PITPNC1: variants seen among roughly 807,000 people sequenced by gnomAD.
The protein encoded by PITPNC1 is cytoplasmic phosphatidylinositol transfer protein 1.
Under a neutral mutation model 44.7 loss-of-function variants are expected in PITPNC1, and 18 were observed. The observed-to-expected ratio is 0.40, with a 90% CI of 0.28 to 0.60. The LOEUF is 0.60. PITPNC1 is among the 20% of genes least tolerant of loss of function. The probability of loss-of-function intolerance (pLI) is 0.39; values close to 1 mark genes in which losing one functional copy is unlikely to be tolerated. For missense variants in PITPNC1, 290 were observed against 418.4 expected (o/e 0.69, Z 2.68); for synonymous variants, 141 against 149.6 (o/e 0.94, Z 0.42).
At chr17:67,431,866 CA>C (rs2038861748) in intron 1 of PITPNC1, among the ~76,000 whole-genome samples, 1 of 152,208 alleles carries the variant, frequency 6.6e-6, no homozygotes, top group African/African-American at 2.4e-5. Flanking sequence ...ACTGTCTTAA[CA>C]ATTGACTGTG....
At chr17:67,634,434 G>C (rs1275492456) in intron 6 of PITPNC1, among the ~76,000 whole-genome samples, 1 of 151,968 alleles carries the variant, frequency 6.6e-6, no homozygotes, top group Non-Finnish European at 1.5e-5. Context: ...TAGCCGGCAG[G>C]GTGGTCAGCT....
intron 5 of PITPNC1, among the ~76,000 whole-genome samples, chr17:67,602,911 A>AT (rs35100800): frequency 0.023 from 3,366 of 148,792 alleles, 79 homozygotes; most frequent in African/African-American, 0.053. Context: ...TAATTTTGAT[A>AT]TTTTTTTTTT....
chr17:67,585,846 C>T (rs1315521358), intron 5 of PITPNC1, among the ~76,000 whole-genome samples: 1 of 152,158 alleles, frequency 6.6e-6, no homozygotes, highest in Non-Finnish European at 1.5e-5. Context: ...CACGTGAAGA[C>T]GTAGGGAGAA....
chr17:67,472,173 C>T (rs553875542), intron 1 of PITPNC1, among the ~76,000 whole-genome samples: 2 of 151,814 alleles, frequency 1.3e-5, no homozygotes, highest in South Asian at 4.2e-4. Context: ...TTGGTTAAGG[C>T]GTTGTCTACC....
intron 1 of PITPNC1, among the ~76,000 whole-genome samples, chr17:67,391,860 C>T (rs2038143656): frequency 6.6e-6 from 1 of 152,094 alleles, no homozygotes; most frequent in Non-Finnish European, 1.5e-5. Context: ...GATGTTCTGT[C>T]CCAGTAAGAG....
intron 1 of PITPNC1, among the ~76,000 whole-genome samples, chr17:67,500,956 C>T (rs7213695): frequency 2.0e-4 from 30 of 151,998 alleles, no homozygotes; most frequent in African/African-American, 7.3e-4. Context: ...TCCCAAAGTG[C>T]TGGAATTAAA....
At chr17:67,512,863 A>G (rs190840463) in intron 1 of PITPNC1, among the ~76,000 whole-genome samples, 5 of 152,172 alleles carry the variant, frequency 3.3e-5, no homozygotes, top group African/African-American at 1.2e-4. Context: ...AGTTGGGGAG[A>G]TAAGCTCGAT....
chr17:67,388,289 G>A (rs1468812323), intron 1 of PITPNC1, among the ~76,000 whole-genome samples: 1 of 151,468 alleles, frequency 6.6e-6, no homozygotes, highest in Non-Finnish European at 1.5e-5. Context: ...CCCAATTCCC[G>A]GAGGAGTATG....
intron 5 of PITPNC1, among the ~76,000 whole-genome samples, chr17:67,584,802 G>T (rs2041289474): frequency 6.6e-6 from 1 of 152,096 alleles, no homozygotes; most frequent in African/African-American, 2.4e-5. Flanking sequence ...GAAGGATCGG[G>T]GATACAGCAT....
At chr17:67,382,861 G>A (rs991055010) in intron 1 of PITPNC1, among the ~76,000 whole-genome samples, 2 of 149,882 alleles carry the variant, frequency 1.3e-5, no homozygotes, top group South Asian at 2.1e-4. Context: ...CCTGACCTCA[G>A]GCGATCCGCC....
chr17:67,469,657 G>A (rs901933127), intron 1 of PITPNC1, among the ~76,000 whole-genome samples: 2 of 152,122 alleles, frequency 1.3e-5, no homozygotes, highest in Non-Finnish European at 2.9e-5. Context: ...ACCTCTCTGG[G>A]TCCCTCAGCT....
intron 6 of PITPNC1, among the ~76,000 whole-genome samples, chr17:67,650,044 C>A (rs1449513099): frequency 6.6e-6 from 1 of 152,078 alleles, no homozygotes; most frequent in Admixed American, 6.6e-5. Context: ...AAAGTTCTAA[C>A]CCCCTAATCA....
chr17:67,416,927 C>T (rs1272290995), intron 1 of PITPNC1, among the ~76,000 whole-genome samples: 2 of 151,990 alleles, frequency 1.3e-5, no homozygotes, highest in African/African-American at 2.4e-5. Flanking sequence ...ATTCTCCTGC[C>T]TCAGCCTCCC....
intron 1 of PITPNC1, among the ~76,000 whole-genome samples, chr17:67,463,619 G>A (rs2039378132): frequency 6.6e-6 from 1 of 152,184 alleles, no homozygotes; most frequent in Admixed American, 6.5e-5. Context: ...TATGTGTTTG[G>A]CTAGGCGCAG....
rs183542770 is a variant in PITPNC1, at chr17:67,438,740, T to C, written c.48+60538T>C. 3.0e-3 allele frequency among the ~76,000 whole-genome samples: 455 copies of C among 152,308 alleles called. 4 individuals carry two copies. Among genetic ancestry groups the C allele is most frequent in the Middle Eastern group, 0.027 (8 of 294 alleles). On this transcript the variant is annotated intron_variant, in intron 1 of 8. Coordinates refer to ENST00000581322, the MANE Select transcript of PITPNC1 (RefSeq NM_012417.4). Reference sequence around the variant, plus strand: ...CTTTTAAATGTTCATTAGGTCAAATTAGAACTGAAGAAGCAACCCTGAGGT... The same window carrying C: ...CTTTTAAATGTTCATTAGGTCAAATCAGAACTGAAGAAGCAACCCTGAGGT...
chr17:67,478,850 A>C (rs2039665754), intron 1 of PITPNC1, among the ~76,000 whole-genome samples: 1 of 151,918 alleles, frequency 6.6e-6, no homozygotes, highest in Admixed American at 6.6e-5. Flanking sequence ...AGAGGTTTTG[A>C]AAGAACCCCA....
chr17:67,525,606 A>G (rs12600425), intron 1 of PITPNC1, among the ~76,000 whole-genome samples: 1 of 152,270 alleles, frequency 6.6e-6, no homozygotes, highest in South Asian at 2.1e-4. Context: ...TGTAATTAGA[A>G]TTTTGACACC....
At chr17:67,526,807 G>T (rs1428255767) in intron 1 of PITPNC1, among the ~76,000 whole-genome samples, 2 of 152,036 alleles carry the variant, frequency 1.3e-5, no homozygotes, top group East Asian at 3.8e-4. Flanking sequence ...TAGTGAAACT[G>T]CTGAGCTTCT....
intron 4 of PITPNC1, among the ~76,000 whole-genome samples, chr17:67,573,104 A>T (rs2041085542): frequency 6.6e-6 from 1 of 152,164 alleles, no homozygotes; most frequent in Non-Finnish European, 1.5e-5. Flanking sequence ...TGGCTACGAT[A>T]ATTCTAGAGT....
Sources: gnomAD v4.1 joint callset for allele counts (sites outside exome capture counted in the v4.1 genomes callset) on GRCh38, gnomAD v4.1.1 for gene constraint, MANE v1.5 for transcripts, NCBI Gene and HGNC (gene_info 2026-07-23, HGNC 2026-07-21) for gene names.